PDE4D: variants seen among roughly 807,000 people sequenced by gnomAD.
PDE4D encodes the protein 3',5'-cyclic-AMP phosphodiesterase 4D.
Under a neutral mutation model 87.4 loss-of-function variants are expected in PDE4D, and 24 were observed. The ratio of observed to expected loss-of-function variants is 0.27; its 90% CI spans 0.20 to 0.39. The LOEUF (loss-of-function observed/expected upper bound fraction) is 0.39. Ranked by LOEUF, PDE4D falls within the 10% of genes least tolerant of loss-of-function variation. PDE4D has a pLI of 1.00. For synonymous variants in PDE4D, 384 were observed against 383.2 expected (o/e 1.00, Z -0.02); for missense variants, 714 against 1,041.0 (o/e 0.69, Z 4.32).
At chr5:59,149,273 A>G (rs577531428) in intron 5 of PDE4D, among the ~76,000 whole-genome samples, 1 of 152,252 alleles carries the variant, frequency 6.6e-6, no homozygotes, top group East Asian at 1.9e-4. Flanking sequence ...TTTCTTCTTA[A>G]TCACTTAGGA....
At chr5:60,012,595 C>A (rs1051515204) in intron 2 of PDE4D, among the ~76,000 whole-genome samples, 1 of 151,848 alleles carries the variant, frequency 6.6e-6, no homozygotes, top group Admixed American at 6.6e-5. Context: ...CTGCTATAAC[C>A]AAAAAAAATG....
chr5:59,149,491 C>A (rs376283808), intron 5 of PDE4D, among the ~76,000 whole-genome samples: 1 of 152,048 alleles, frequency 6.6e-6, no homozygotes, highest in Non-Finnish European at 1.5e-5. Context: ...CACAAGGGAA[C>A]CTTAGAGTGG....
intron 1 of PDE4D, among the ~76,000 whole-genome samples, chr5:59,556,647 G>A (rs1313076031): frequency 6.6e-6 from 1 of 152,110 alleles, no homozygotes; most frequent in Non-Finnish European, 1.5e-5. Flanking sequence ...TTGTTTTCCT[G>A]CTAAGTTTGG....
chr5:60,054,491 T>C (rs1357619269), intron 2 of PDE4D, among the ~76,000 whole-genome samples: 2 of 151,684 alleles, frequency 1.3e-5, no homozygotes, highest in African/African-American at 4.8e-5. Context: ...TGAGAACACA[T>C]GGACACAGGG....
intron 1 of PDE4D, among the ~76,000 whole-genome samples, chr5:59,675,700 T>A (rs1487937358): frequency 6.6e-6 from 1 of 152,008 alleles, no homozygotes; most frequent in Non-Finnish European, 1.5e-5. Context: ...AAACGTAGGC[T>A]TTTTTGAAAA....
chr5:59,560,669 T>C (rs780640147), intron 1 of PDE4D, among the ~76,000 whole-genome samples: 28 of 152,152 alleles, frequency 1.8e-4, no homozygotes, highest in Non-Finnish European at 3.1e-4. Flanking sequence ...GGAGGAGAAT[T>C]GCCAAGGGAG....
At chr5:60,154,565 C>T (rs141430942) in intron 2 of PDE4D, among the ~76,000 whole-genome samples, 2 of 152,274 alleles carry the variant, frequency 1.3e-5, no homozygotes, top group Non-Finnish European at 2.9e-5. Flanking sequence ...TAAGCCACTG[C>T]ACCCGGCCCT....
At chr5:60,305,444 A>G (rs1320771655) in intron 1 of PDE4D, among the ~76,000 whole-genome samples, 1 of 152,094 alleles carries the variant, frequency 6.6e-6, no homozygotes, top group South Asian at 2.1e-4. Flanking sequence ...AGAAGAAGAA[A>G]GAATTGAAAA....
intron 1 of PDE4D, 70 bp downstream of exon 1, chr5:59,893,098 T>A (rs1751199356): frequency 6.9e-7 from 1 of 1,443,128 alleles, no homozygotes; most frequent in Non-Finnish European, 9.3e-7. Context: ...TAAGCCGACT[T>A]AGATGGAGTA....
chr5:59,058,429 C>T (rs1762658037), intron 5 of PDE4D, among the ~76,000 whole-genome samples: 1 of 152,160 alleles, frequency 6.6e-6, no homozygotes, highest in Non-Finnish European at 1.5e-5. Context: ...GATTTGTTTA[C>T]ATATCTATTG....
chr5:59,098,254 G>A (rs146665844), intron 5 of PDE4D, among the ~76,000 whole-genome samples: 1 of 152,278 alleles, frequency 6.6e-6, no homozygotes, highest in African/African-American at 2.4e-5. Flanking sequence ...TCCCAAGCTA[G>A]TTGGTAAGCT....
intron 5 of PDE4D, among the ~76,000 whole-genome samples, chr5:59,093,585 G>A (rs548793202): frequency 4.6e-5 from 7 of 152,282 alleles, no homozygotes; most frequent in Admixed American, 3.3e-4. Flanking sequence ...AGAACACACC[G>A]GCTTTGATTG....
intron 1 of PDE4D, among the ~76,000 whole-genome samples, chr5:59,757,882 A>G (rs1353538895): frequency 6.6e-6 from 1 of 152,128 alleles, no homozygotes; most frequent in Non-Finnish European, 1.5e-5. Context: ...TCTCCTACAC[A>G]CACATATTTT....
chr5:59,167,934 G>A (rs963717700), intron 5 of PDE4D, among the ~76,000 whole-genome samples: 1 of 152,100 alleles, frequency 6.6e-6, no homozygotes, highest in East Asian at 1.9e-4. Context: ...TATGTGGACA[G>A]TTCTGTGTTC....
At chr5:59,937,331 T>A (rs2152794974) in intron 3 of PDE4D, among the ~76,000 whole-genome samples, 1 of 152,332 alleles carries the variant, frequency 6.6e-6, no homozygotes, top group South Asian at 2.1e-4. Context: ...CTAACATATA[T>A]TAAATCCTTG....
intron 1 of PDE4D, among the ~76,000 whole-genome samples, chr5:60,362,986 G>A (rs1760206242): frequency 6.6e-6 from 1 of 152,088 alleles, no homozygotes; most frequent in Admixed American, 6.6e-5. Flanking sequence ...GAGTTTCAGG[G>A]TTTAAAAACT....
chr5:60,114,958 A>ATGGT (rs781641008), intron 2 of PDE4D, among the ~76,000 whole-genome samples: 54 of 105,976 alleles, frequency 5.1e-4, no homozygotes, highest in Non-Finnish European at 1.1e-3. Context: ...GGATGGATGG[A>ATGGT]TGGATGGATG....
At chr5:60,353,852 A>G (rs1464546869) in intron 1 of PDE4D, among the ~76,000 whole-genome samples, 1 of 152,162 alleles carries the variant, frequency 6.6e-6, no homozygotes, top group Non-Finnish European at 1.5e-5. Flanking sequence ...TGAGAAATTC[A>G]CTGGGCCAGG....
intron 1 of PDE4D, among the ~76,000 whole-genome samples, chr5:59,307,334 G>A (rs1039318230): frequency 1.4e-5 from 2 of 147,348 alleles, no homozygotes; most frequent in African/African-American, 2.6e-5. Context: ...CAAAAGCAAT[G>A]GCAACAAAAG....
Sources: gnomAD v4.1 joint callset for allele counts (sites outside exome capture counted in the v4.1 genomes callset) on GRCh38, gnomAD v4.1.1 for gene constraint, MANE v1.5 for transcripts, NCBI Gene and HGNC (gene_info 2026-07-23, HGNC 2026-07-21) for gene names.